Variants in TEX36 observed in about 807,000 individuals in gnomAD.
The protein encoded by TEX36 is testis-expressed protein 36.
In TEX36, 12 loss-of-function variants were observed where a neutral mutation model predicts 13.6. The ratio of observed to expected loss-of-function variants is 0.88; its 90% CI spans 0.56 to 1.43. The LOEUF is 1.43. Ranked by LOEUF, TEX36 falls within the 40% of genes most tolerant of loss-of-function variation. The pLI, the probability that TEX36 is intolerant of heterozygous loss-of-function variation, is 0.00. For missense variants in TEX36, 224 were observed against 228.3 expected (o/e 0.98, Z 0.12); for synonymous variants, 93 against 83.0 (o/e 1.12, Z -0.65).
At chr10:125,665,999 T>C (rs935730879) in intron 1 of TEX36, among the ~76,000 whole-genome samples, 1 of 152,244 alleles carries the variant, frequency 6.6e-6, no homozygotes, top group Admixed American at 6.5e-5. Flanking sequence ...AGCTAGATCA[T>C]TGCTGATATA....
chr10:125,579,204 T>C (rs950030776), intron 3 of TEX36, among the ~76,000 whole-genome samples: 3 of 152,212 alleles, frequency 2.0e-5, no homozygotes. Flanking sequence ...TGAGACTGGG[T>C]ACTTTATAAA....
chr10:125,612,451 T>C (rs913677001), intron 3 of TEX36, among the ~76,000 whole-genome samples: 1 of 152,116 alleles, frequency 6.6e-6, no homozygotes, highest in Non-Finnish European at 1.5e-5. Context: ...AGGCTTTCTG[T>C]TTCTTTCTAT....
At chr10:125,584,711 G>T (rs1355870489) in intron 3 of TEX36, among the ~76,000 whole-genome samples, 1 of 152,204 alleles carries the variant, frequency 6.6e-6, no homozygotes, top group Non-Finnish European at 1.5e-5. Flanking sequence ...GCAGAGGAAA[G>T]CCTCTGTAAG....
intron 1 of TEX36, among the ~76,000 whole-genome samples, chr10:125,672,787 T>G (rs925681948): frequency 1.3e-5 from 2 of 152,210 alleles, no homozygotes; most frequent in Non-Finnish European, 2.9e-5. Flanking sequence ...TCTAAGAACT[T>G]GTTTTATGAA....
chr10:125,630,259 T>C (rs1214951449), intron 3 of TEX36, among the ~76,000 whole-genome samples: 2 of 152,226 alleles, frequency 1.3e-5, no homozygotes, highest in Non-Finnish European at 2.9e-5. Context: ...AAAATGTCCA[T>C]TCTCCGAGTC....
At chr10:125,680,371 A>G (rs1847374994) in intron 1 of TEX36, among the ~76,000 whole-genome samples, 1 of 152,224 alleles carries the variant, frequency 6.6e-6, no homozygotes, top group Non-Finnish European at 1.5e-5. Flanking sequence ...AAATGGCTCT[A>G]GCGTTTTAAT....
chr10:125,680,570 A>G (rs1257100704), intron 1 of TEX36, among the ~76,000 whole-genome samples: 3 of 152,134 alleles, frequency 2.0e-5, no homozygotes, highest in Non-Finnish European at 4.4e-5. Context: ...AGTCTTTCCT[A>G]CCTGGCAATA....
rs185532496 is a variant in TEX36, at chr10:125,576,800, C to T, written c.339G>A (p.Gln113=). ...TTCTCAGGCCTGGATGAGGAATGGA[C>T]TGGGTCCTCACCGGCTCATAGAACT... is the stretch of plus-strand genomic sequence containing the variant. The change falls in exon 4 of 4, where the codon CAG becomes CAA. Residue 113 remains glutamine (Q), a synonymous_variant. Coordinates refer to the TEX36 transcript ENST00000532135. 5.9e-6 allele frequency: 9 copies of T among 1,535,970 alleles called. No homozygotes were observed. In the East Asian group the frequency reaches 2.2e-4, roughly 38 times the overall value.
intron 3 of TEX36, among the ~76,000 whole-genome samples, chr10:125,659,559 A>G (rs1846999092): frequency 1.3e-5 from 2 of 152,232 alleles, no homozygotes; most frequent in African/African-American, 4.8e-5. Context: ...CCATGTACAG[A>G]GGCAGGCAAA....
chr10:125,670,813 G>T (rs1355528856), intron 1 of TEX36, among the ~76,000 whole-genome samples: 1 of 152,024 alleles, frequency 6.6e-6, no homozygotes, highest in Non-Finnish European at 1.5e-5. Flanking sequence ...TTACTAGCCA[G>T]TTCTCCCAGC....
At chr10:125,619,708 C>G (rs57186035), downstream of TEX36, among the ~76,000 whole-genome samples, 1,376 of 152,032 alleles carry the variant, frequency 9.1e-3, 18 homozygotes, top group African/African-American at 0.031. Context: ...AGGCGCACAC[C>G]ACCATGCCCA....
At chr10:125,661,216 A>G in intron 2 of TEX36, 115 bp from the exon 3 acceptor site, 1 of 802,504 alleles carries the variant, frequency 1.2e-6, no homozygotes, top group Non-Finnish European at 2.1e-6. Context: ...TCTAAGAAAG[A>G]CAATGAAACC....
chr10:125,636,115 T>C (rs1215300215), intron 3 of TEX36, among the ~76,000 whole-genome samples: 1 of 151,908 alleles, frequency 6.6e-6, no homozygotes, highest in East Asian at 1.9e-4. Flanking sequence ...ACTCAAGTGA[T>C]CCACCTGTCC....
chr10:125,662,051 T>G, intron 1 of TEX36, 74 bp from the exon 2 acceptor site: 1 of 1,514,226 alleles, frequency 6.6e-7, no homozygotes, highest in Non-Finnish European at 8.9e-7. Flanking sequence ...GGGCTTCCTT[T>G]GTACAGTGAT....
intron 1 of TEX36, among the ~76,000 whole-genome samples, chr10:125,673,348 T>A (rs147163501): frequency 2.2e-4 from 33 of 152,278 alleles, no homozygotes; most frequent in South Asian, 2.1e-3. Flanking sequence ...CTGAAAAGGA[T>A]TTTATTTTTC....
chr10:125,667,774 G>A (rs1847147190), intron 1 of TEX36: 16 of 926,262 alleles, frequency 1.7e-5, no homozygotes, highest in East Asian at 4.8e-5. Context: ...GCAGCTGACA[G>A]TAGAAGCGCC....
intron 3 of TEX36, among the ~76,000 whole-genome samples, chr10:125,614,846 G>A (rs1589755469): frequency 6.6e-6 from 1 of 152,124 alleles, no homozygotes; most frequent in African/African-American, 2.4e-5. Flanking sequence ...GATGGGGATG[G>A]CATTGAATCT....
intron 3 of TEX36, among the ~76,000 whole-genome samples, chr10:125,611,198 G>A (rs1020400678): frequency 3.9e-5 from 6 of 152,004 alleles, no homozygotes; most frequent in African/African-American, 1.5e-4. Flanking sequence ...TATCCTTCAC[G>A]CAATCTTTGT....
intron 3 of TEX36, among the ~76,000 whole-genome samples, chr10:125,606,438 A>C (rs1846216946): frequency 6.6e-6 from 1 of 152,222 alleles, no homozygotes; most frequent in African/African-American, 2.4e-5. Flanking sequence ...TAGAAAGTTG[A>C]ATTTATGTTA....
Sources: allele counts gnomAD v4.1 joint callset (sites outside exome capture counted in the v4.1 genomes callset), GRCh38; gene constraint gnomAD v4.1.1; transcripts MANE v1.5; gene names NCBI Gene and HGNC (gene_info 2026-07-23, HGNC 2026-07-21).